Variants in EIF4G3 observed in about 807,000 individuals in gnomAD.
The protein encoded by EIF4G3 is eukaryotic translation initiation factor 4 gamma 3, also known as eIF-4-gamma 3.
A neutral mutation model predicts 186.4 loss-of-function variants in EIF4G3; 34 were observed. That is an observed-to-expected ratio of 0.18 (90% CI 0.14 to 0.24). The LOEUF (loss-of-function observed/expected upper bound fraction) is 0.24, where lower values mean the gene tolerates loss of function less well. Ranked by LOEUF, EIF4G3 falls within the 10% of genes least tolerant of loss-of-function variation. The pLI is 1.00. For missense variants in EIF4G3, 1,536 were observed against 1,948.5 expected (o/e 0.79, Z 3.99); for synonymous variants, 673 against 679.5 (o/e 0.99, Z 0.15).
At chr1:20,994,920 T>C (rs2081963819) in intron 7 of EIF4G3, among the ~76,000 whole-genome samples, 1 of 152,126 alleles carries the variant, frequency 6.6e-6, no homozygotes, top group South Asian at 2.1e-4. Flanking sequence ...ATTGCAGGCA[T>C]CAAACACCGC....
chr1:20,883,526 A>C (rs1204631632), intron 19 of EIF4G3, among the ~76,000 whole-genome samples: 1 of 152,152 alleles, frequency 6.6e-6, no homozygotes, highest in Non-Finnish European at 1.5e-5. Flanking sequence ...TTGAGGCAGA[A>C]GAATCACTTG....
At chr1:20,973,923 C>G (rs1363042368) in intron 10 of EIF4G3, among the ~76,000 whole-genome samples, 1 of 152,124 alleles carries the variant, frequency 6.6e-6, no homozygotes, top group East Asian at 1.9e-4. Context: ...GAGAAGGGGT[C>G]AAATACTGGA....
intron 3 of EIF4G3, among the ~76,000 whole-genome samples, chr1:21,053,785 G>A (rs1328992264): frequency 5.4e-5 from 8 of 146,910 alleles, no homozygotes; most frequent in African/African-American, 1.0e-4. Flanking sequence ...CTGCCCGGCT[G>A]CCCCTACTGG....
rs2093649522 is a variant in EIF4G3 at position 21,042,639 on chromosome 1, A to T, written c.-67+8227T>A. Among the ~76,000 whole-genome samples, 4 of 152,194 alleles carry T rather than the reference A, an allele frequency of 2.6e-5. No homozygotes were observed. In the South Asian group the frequency reaches 8.3e-4, roughly 32 times the overall value. On this transcript the variant is annotated intron_variant, in intron 4 of 36. Coordinates refer to ENST00000602326, the MANE Select transcript of EIF4G3 (RefSeq NM_001391906.1). Reference sequence around the variant, plus strand: ...CAGCATGCTCCCGTCCACTACAATAAATCTGAAAAGACATATATACCCATT... The same window carrying T: ...CAGCATGCTCCCGTCCACTACAATATATCTGAAAAGACATATATACCCATT...
chr1:20,914,488 T>C (rs1185835214), intron 14 of EIF4G3, among the ~76,000 whole-genome samples: 1 of 152,090 alleles, frequency 6.6e-6, no homozygotes, highest in East Asian at 1.9e-4. Context: ...GACAAAGGAA[T>C]AGACTCTTCC....
chr1:21,143,430 A>G (rs953171975), intron 2 of EIF4G3, among the ~76,000 whole-genome samples: 3 of 152,180 alleles, frequency 2.0e-5, no homozygotes, highest in African/African-American at 4.8e-5. Flanking sequence ...AAAGAATACT[A>G]TAAAACAGTA....
intron 4 of EIF4G3, among the ~76,000 whole-genome samples, chr1:21,012,040 A>G (rs1024160557): frequency 6.6e-6 from 1 of 152,250 alleles, no homozygotes; most frequent in Non-Finnish European, 1.5e-5. Context: ...ATTTAAGAGT[A>G]TAAAGGGATC....
chr1:21,020,198 A>G (rs1385335216), intron 4 of EIF4G3, among the ~76,000 whole-genome samples: 1 of 152,090 alleles, frequency 6.6e-6, no homozygotes, highest in East Asian at 1.9e-4. Flanking sequence ...AGAAATGACC[A>G]ATTTGCGGGG....
In EIF4G3 at chr1:21,068,375, TAAAAAA is replaced by T. The variant is rs869306512; in HGVS notation, c.-195-17387_-195-17382del. On this transcript the variant is annotated intron_variant, in intron 3 of 36. Coordinates refer to ENST00000602326, the MANE Select transcript of EIF4G3 (RefSeq NM_001391906.1). Reference sequence around the variant, plus strand: ...GGGCGACAGAGTGAAACTCTGTCTTTAAAAAAAAAAAAAAAAAAAAAAAAACAGAAT... The same window carrying T: ...GGGCGACAGAGTGAAACTCTGTCTTTAAAAAAAAAAAAAAAAAAACAGAAT... 1.9e-3 allele frequency among the ~76,000 whole-genome samples: 131 copies of T among 67,842 alleles called. 3 individuals carry two copies. The South Asian group carries it at 0.025, about 13-fold the overall frequency. The allele number at this position is 67,842 out of a possible 152,430, so 44.5% of individuals were successfully genotyped here.
At chr1:21,052,036 T>C (rs2094247777) in intron 3 of EIF4G3, among the ~76,000 whole-genome samples, 1 of 152,180 alleles carries the variant, frequency 6.6e-6, no homozygotes, top group Non-Finnish European at 1.5e-5. Context: ...TATACCAAAA[T>C]CTTAACAGAA....
intron 3 of EIF4G3, among the ~76,000 whole-genome samples, chr1:21,063,267 T>C (rs1051513309): frequency 5.3e-5 from 8 of 151,968 alleles, no homozygotes; most frequent in African/African-American, 1.9e-4. Context: ...AGTAACCAGG[T>C]CTGAGAAGAA....
chr1:20,837,103 T>A (rs1396923217), intron 30 of EIF4G3, among the ~76,000 whole-genome samples: 1 of 152,202 alleles, frequency 6.6e-6, no homozygotes, highest in South Asian at 2.1e-4. Flanking sequence ...TATTTGAAAC[T>A]TTTGTCTATT....
chr1:20,982,361 G>A, intron 8 of EIF4G3, 27 bp downstream of exon 8: 2 of 1,504,158 alleles, frequency 1.3e-6, no homozygotes, highest in Non-Finnish European at 1.8e-6. Flanking sequence ...GTTATAAAGA[G>A]GCCATGCAGA....
At chr1:20,950,696 A>T (rs2154563442) in intron 12 of EIF4G3, among the ~76,000 whole-genome samples, 1 of 152,342 alleles carries the variant, frequency 6.6e-6, no homozygotes, top group Middle Eastern at 3.4e-3. Flanking sequence ...TGGGTCAAAT[A>T]TGGTATTTTC....
At chr1:21,087,910 G>A (rs968146569) in intron 3 of EIF4G3, among the ~76,000 whole-genome samples, 1 of 151,794 alleles carries the variant, frequency 6.6e-6, no homozygotes, top group African/African-American at 2.4e-5. Context: ...TGGGATTACA[G>A]GCATGAGCCA....
At chr1:21,089,242 T>A (rs1157123969) in intron 2 of EIF4G3, 29 bp from the exon 3 acceptor site, 1 of 709,664 alleles carries the variant, frequency 1.4e-6, no homozygotes, top group Non-Finnish European at 2.6e-6. Flanking sequence ...GATAAGAGAA[T>A]TCAAAAATGG....
intron 7 of EIF4G3, among the ~76,000 whole-genome samples, chr1:20,987,413 C>A (rs1011284955): frequency 3.3e-5 from 5 of 152,188 alleles, no homozygotes; most frequent in Non-Finnish European, 7.3e-5. Flanking sequence ...ATAGATATTG[C>A]ATTCTTTACA....
intron 14 of EIF4G3, among the ~76,000 whole-genome samples, chr1:20,929,194 C>G (rs1159073476): frequency 6.6e-6 from 1 of 152,130 alleles, no homozygotes; most frequent in Non-Finnish European, 1.5e-5. Context: ...TTCTTCTGAG[C>G]TTTCTTTGCC....
At chr1:21,163,993 C>T (rs1340655888) in intron 2 of EIF4G3, among the ~76,000 whole-genome samples, 2 of 152,108 alleles carry the variant, frequency 1.3e-5, no homozygotes. Context: ...AGGCTGGTCT[C>T]GTACTCCTGA....
Sources: allele counts gnomAD v4.1 joint callset (sites outside exome capture counted in the v4.1 genomes callset), GRCh38; gene constraint gnomAD v4.1.1; transcripts MANE v1.5; gene names NCBI Gene and HGNC (gene_info 2026-07-23, HGNC 2026-07-21).